Variants in THTPA observed in about 807,000 individuals in gnomAD.
THTPA encodes the protein thiamine triphosphatase, also known as thiamine-triphosphatase.
THTPA carries 16 observed loss-of-function variants against 16.5 expected under a neutral mutation model. The observed-to-expected ratio is 0.97, with a 90% CI of 0.66 to 1.47. THTPA has a LOEUF of 1.47. Ranked by LOEUF, THTPA falls within the 40% of genes most tolerant of loss-of-function variation. The pLI, the probability that THTPA is intolerant of heterozygous loss-of-function variation, is 0.00. For missense variants in THTPA, 281 were observed against 280.9 expected (o/e 1.00, Z 0.00); for synonymous variants, 110 against 115.5 (o/e 0.95, Z 0.30).
the THTPA span, among the ~76,000 whole-genome samples, chr14:23,542,561 G>T: frequency 1.3e-5 from 2 of 152,132 alleles, no homozygotes; most frequent in African/African-American, 4.8e-5. Context: ...CTCACATCCT[G>T]CTAGATGTGG....
the THTPA span, chr14:23,535,483 A>G: frequency 1.1e-6 from 1 of 873,366 alleles, no homozygotes; most frequent in Non-Finnish European, 1.6e-6. This position sits in a 1 kb window ranked among gnomAD's most constrained non-coding sequence, Gnocchi z 4.5. Flanking sequence ...CACCAGACTC[A>G]GACACCACTT....
the THTPA span, among the ~76,000 whole-genome samples, chr14:23,545,346 C>T: frequency 6.6e-6 from 1 of 152,244 alleles, no homozygotes; most frequent in Non-Finnish European, 1.5e-5. Flanking sequence ...CTCGTCCGCC[C>T]TCCTCAGCTG....
chr14:23,556,946 G>C lies in THTPA; in HGVS notation c.189G>C (p.Glu63Asp), dbSNP rs1264423305. ...GACGACGAGAGGATAGTGGATGGGAGCTCAAATGTCCTGGAGCAGCAGGTG... is the reference window on the plus strand; with the variant it reads ...GACGACGAGAGGATAGTGGATGGGACCTCAAATGTCCTGGAGCAGCAGGTG... The part of the protein sequence containing the change: ...WLRRREDSGW[E>D]LKCPGAAGVL... The change falls in exon 1 of 2, where the codon GAG (glutamate) becomes GAC (aspartate). Residue 63 changes from glutamate (E) to aspartate (D), a missense_variant. Physicochemically the swap from Glu to Asp is conservative, Grantham distance 45 (BLOSUM62 2). Transcript: ENST00000288014. 8 of 1,614,062 alleles carry C rather than the reference G, an allele frequency of 5.0e-6. No homozygotes were observed. The highest frequency in any genetic ancestry group is 5.9e-6 in the Non-Finnish European group (7 of 1,180,048).
At chr14:23,539,035 G>T in the THTPA span, among the ~76,000 whole-genome samples, 1 of 152,128 alleles carries the variant, frequency 6.6e-6, no homozygotes, top group Non-Finnish European at 1.5e-5. Context: ...AGTTCTGAGG[G>T]TGTAGTCATC....
chr14:23,527,911 T>C, the THTPA span: 2 of 1,049,890 alleles, frequency 1.9e-6, no homozygotes, highest in Non-Finnish European at 2.7e-6. Flanking sequence ...CTTTTTTTTT[T>C]TTTTTTTTTT....
the THTPA span, chr14:23,543,803 A>G: frequency 1.3e-5 from 2 of 152,220 alleles, no homozygotes; most frequent in Non-Finnish European, 2.9e-5. Context: ...GAACTTCATC[A>G]GACAAGCACT....
chr14:23,525,612 G>A, the THTPA span: 2 of 1,535,686 alleles, frequency 1.3e-6, no homozygotes, highest in Non-Finnish European at 1.7e-6. The surrounding 1 kb of genome is among the most constrained non-coding windows in gnomAD (Gnocchi z 5.9). Context: ...AAGTTTTCTA[G>A]AAGGGCTTTG....
the THTPA span, chr14:23,530,589 A>G: frequency 5.0e-6 from 2 of 399,890 alleles, no homozygotes; most frequent in East Asian, 6.4e-5. Context: ...TGCTGCAGTG[A>G]GCAGGAAGTG....
the THTPA span, chr14:23,535,365 A>G: frequency 1.4e-6 from 2 of 1,439,436 alleles, no homozygotes; most frequent in Non-Finnish European, 1.8e-6. This position sits in a 1 kb window ranked among gnomAD's most constrained non-coding sequence, Gnocchi z 4.5. Flanking sequence ...TCAGCGTGAC[A>G]GCCAGTACCC....
the THTPA span, chr14:23,522,164 C>T: frequency 2.0e-6 from 3 of 1,504,348 alleles, no homozygotes; most frequent in Non-Finnish European, 2.7e-6. Context: ...GGCTTCACGC[C>T]CACTCAGCAG....
At chr14:23,535,421 C>G in the THTPA span, 1 of 1,380,926 alleles carries the variant, frequency 7.2e-7, no homozygotes, top group Non-Finnish European at 9.4e-7. This position sits in a 1 kb window ranked among gnomAD's most constrained non-coding sequence, Gnocchi z 4.5. Context: ...TGCAGGGACC[C>G]CAGCTGGGCA....
At chr14:23,558,602 A>ATTT in intron 1 of THTPA, 93 bp from the exon 2 acceptor site, 1 of 1,521,822 alleles carries the variant, frequency 6.6e-7, no homozygotes, top group Middle Eastern at 1.8e-4. Context: ...GGCTTTGGAA[A>ATTT]CATCCACGGA....
the THTPA span, chr14:23,530,520 C>G: frequency 1.8e-6 from 1 of 542,004 alleles, no homozygotes; most frequent in Non-Finnish European, 3.5e-6. Context: ...ATGGGAAGCC[C>G]CAGAGAAATG....
At chr14:23,525,276 C>T in the THTPA span, 1 of 1,536,124 alleles carries the variant, frequency 6.5e-7, no homozygotes, top group South Asian at 1.2e-5. This position sits in a 1 kb window ranked among gnomAD's most constrained non-coding sequence, Gnocchi z 5.9. Context: ...GCCTCAGGCT[C>T]TGGGACCAGG....
chr14:23,517,019 G>A, the THTPA span, among the ~76,000 whole-genome samples: 1 of 152,162 alleles, frequency 6.6e-6, no homozygotes, highest in Non-Finnish European at 1.5e-5. Flanking sequence ...TTCTTGGACA[G>A]GTTCAGCTTG....
chr14:23,529,369 C>G, the THTPA span: 1 of 295,496 alleles, frequency 3.4e-6, no homozygotes, highest in South Asian at 3.7e-5. Context: ...GGATAAAGAG[C>G]TGGGCAGTAG....
At chr14:23,530,502 C>A in the THTPA span, 1 of 573,088 alleles carries the variant, frequency 1.7e-6, no homozygotes, top group Non-Finnish European at 3.3e-6. Context: ...TCTTAAATGA[C>A]CCAGGAAATG....
the THTPA span, chr14:23,527,547 C>A: frequency 6.5e-7 from 1 of 1,530,524 alleles, no homozygotes; most frequent in Non-Finnish European, 8.8e-7. Flanking sequence ...TCTTCCTCCC[C>A]TCCTGCACAG....
the THTPA span, among the ~76,000 whole-genome samples, chr14:23,546,461 G>A: frequency 6.6e-6 from 1 of 152,152 alleles, no homozygotes; most frequent in African/African-American, 2.4e-5. The surrounding 1 kb of genome is among the most constrained non-coding windows in gnomAD (Gnocchi z 4.7). Flanking sequence ...ACAGGACTGT[G>A]GGTGGACCTC....
Sources: allele counts gnomAD v4.1 joint callset (sites outside exome capture counted in the v4.1 genomes callset), GRCh38; gene constraint gnomAD v4.1.1; non-coding constraint Gnocchi (gnomAD v3.1); transcripts MANE v1.5; gene names NCBI Gene and HGNC (gene_info 2026-07-23, HGNC 2026-07-21).